The following CALCR variants were observed in gnomAD, a reference collection of about 807,000 sequenced individuals.
The protein encoded by CALCR is calcitonin receptor.
A neutral mutation model predicts 59.5 loss-of-function variants in CALCR; 47 were observed. The ratio of observed to expected loss-of-function variants is 0.79; its 90% CI spans 0.63 to 1.01. The LOEUF is 1.01. Among genes scored for constraint, CALCR ranks in the 50% least tolerant of loss-of-function variants. The probability of loss-of-function intolerance (pLI) is 0.00; values close to 1 mark genes in which losing one functional copy is unlikely to be tolerated. For synonymous variants in CALCR, 213 were observed against 211.3 expected (o/e 1.01, Z -0.07); for missense variants, 566 against 597.1 (o/e 0.95, Z 0.54).
intron 6 of CALCR, among the ~76,000 whole-genome samples, chr7:93,471,301 T>G (rs1429340020): frequency 6.6e-6 from 1 of 151,740 alleles, no homozygotes; most frequent in East Asian, 1.9e-4. Context: ...TAATCAGACT[T>G]TATTAACAGC....
intron 13 of CALCR, among the ~76,000 whole-genome samples, chr7:93,433,003 G>A (rs1799689884): frequency 6.6e-6 from 1 of 152,134 alleles, no homozygotes; most frequent in South Asian, 2.1e-4. Context: ...CTTAGCAATA[G>A]TAAATGCACA....
chr7:93,545,788 T>G (rs1174770132), intron 2 of CALCR, among the ~76,000 whole-genome samples: 1 of 152,132 alleles, frequency 6.6e-6, no homozygotes, highest in Non-Finnish European at 1.5e-5. Context: ...CACCCCTTTT[T>G]CATCATCTGA....
At position 93,493,476 on chromosome 7, in the gene CALCR, C is replaced by T. The variant is rs530544804; in HGVS notation, c.-26-6469G>A. Among the ~76,000 whole-genome samples the T allele has an allele frequency of 1.8e-4, 28 of 151,490 alleles. No individual in the cohort carries two copies. In the South Asian group the frequency reaches 5.8e-3, roughly 31 times the overall value. Reference sequence around the variant, plus strand: ...ATCTGCATTTTGGGATCTTTTCAAACATGTCCATCCTATCTACTACCTTAG... The same window carrying T: ...ATCTGCATTTTGGGATCTTTTCAAATATGTCCATCCTATCTACTACCTTAG... On this transcript the variant is annotated intron_variant, in intron 2 of 13. Transcript: ENST00000426151.
intron 2 of CALCR, among the ~76,000 whole-genome samples, chr7:93,557,054 A>G (rs1789626112): frequency 6.6e-6 from 1 of 152,074 alleles, no homozygotes; most frequent in Admixed American, 6.6e-5. Flanking sequence ...ATCTCCCATG[A>G]CTTCCTACAT....
chr7:93,523,707 T>C (rs920639916), intron 2 of CALCR, among the ~76,000 whole-genome samples: 9 of 152,178 alleles, frequency 5.9e-5, no homozygotes, highest in Non-Finnish European at 1.0e-4. Context: ...CACCTTGGAT[T>C]GCTTTTTTAA....
intron 2 of CALCR, among the ~76,000 whole-genome samples, chr7:93,568,195 T>C (rs957673408): frequency 6.6e-6 from 1 of 152,072 alleles, no homozygotes; most frequent in Non-Finnish European, 1.5e-5. Flanking sequence ...GACATCTTTG[T>C]TGGGGGGATT....
chr7:93,515,239 G>A (rs1801625856), intron 2 of CALCR, among the ~76,000 whole-genome samples: 2 of 151,970 alleles, frequency 1.3e-5, no homozygotes. Context: ...ATGAATTCCT[G>A]TGTGTGGAAA....
At chr7:93,505,654 G>T (rs1309582158) in intron 2 of CALCR, among the ~76,000 whole-genome samples, 1 of 152,110 alleles carries the variant, frequency 6.6e-6, no homozygotes, top group Non-Finnish European at 1.5e-5. Flanking sequence ...ACGTTAGAAA[G>T]ACTAAATCAA....
At chr7:93,530,799 G>A (rs1042618676) in intron 2 of CALCR, among the ~76,000 whole-genome samples, 5 of 152,002 alleles carry the variant, frequency 3.3e-5, no homozygotes, top group African/African-American at 1.2e-4. Flanking sequence ...AAAATGGCTG[G>A]TTGTTGGAAA....
chr7:93,503,727 T>A (rs1401616873), intron 2 of CALCR, among the ~76,000 whole-genome samples: 2 of 151,912 alleles, frequency 1.3e-5, no homozygotes, highest in Admixed American at 1.3e-4. Context: ...AAGAGGGAGG[T>A]TATACTTGTC....
chr7:93,498,973 A>G (rs1035968167), intron 2 of CALCR, among the ~76,000 whole-genome samples: 6 of 151,682 alleles, frequency 4.0e-5, no homozygotes, highest in African/African-American at 1.4e-4. Flanking sequence ...TAAGAGATCC[A>G]TATTGTAATC....
At chr7:93,517,705 C>T (rs1213064169) in intron 2 of CALCR, among the ~76,000 whole-genome samples, 1 of 151,918 alleles carries the variant, frequency 6.6e-6, no homozygotes, top group Non-Finnish European at 1.5e-5. Context: ...TGTATAGTTA[C>T]TGCGAAGACA....
chr7:93,572,856 G>A (rs1454165642), intron 2 of CALCR, among the ~76,000 whole-genome samples: 1 of 152,096 alleles, frequency 6.6e-6, no homozygotes, highest in African/African-American at 2.4e-5. Context: ...AAGATTTCTT[G>A]TTTACTTATT....
rs560322442 is a variant in CALCR, at chr7:93,509,618, T to A, written c.-26-22611A>T. On this transcript the variant is annotated intron_variant, in intron 2 of 13. Coordinates refer to ENST00000426151, the MANE Select transcript of CALCR (RefSeq NM_001742.4). The stretch of plus-strand genomic sequence containing the variant: ...TTGGCCAAAGCAACATTTGGAATAC[T>A]CACATATGTGGAGATTAACTTTCTG... Among the ~76,000 whole-genome samples, 2 of 152,326 alleles carry A rather than the reference T, an allele frequency of 1.3e-5. 1 individual carries two copies. Among genetic ancestry groups the A allele is most frequent in the South Asian group, 4.1e-4 (2 of 4,826 alleles).
intron 8 of CALCR, among the ~76,000 whole-genome samples, chr7:93,457,307 G>T (rs987006366): frequency 1.1e-4 from 16 of 152,102 alleles, no homozygotes; most frequent in African/African-American, 3.9e-4. Flanking sequence ...GACAACCGCT[G>T]GGAAGTGAGC....
At chr7:93,546,616 A>T (rs368068506) in intron 2 of CALCR, among the ~76,000 whole-genome samples, 2 of 149,208 alleles carry the variant, frequency 1.3e-5, no homozygotes, top group African/African-American at 5.0e-5. Context: ...CAGTGGTGGG[A>T]TCACAGCTCA....
rs151200250 is a variant in CALCR, at chr7:93,526,971, A to G, written c.-26-39964T>C. On this transcript the variant is annotated intron_variant, in intron 2 of 13. Transcript: ENST00000426151. The stretch of plus-strand genomic sequence containing the variant: ...AGTGAACCAAATTGTTCCAAAGAAC[A>G]TAAAACTATAAAGTAAAATAGTTTT... Among the ~76,000 whole-genome samples, 40 of 152,218 alleles carry G rather than the reference A, an allele frequency of 2.6e-4. No individual in the cohort carries two copies. In the East Asian group the frequency reaches 7.1e-3, roughly 27 times the overall value.
chr7:93,538,731 C>A (rs1584615963), intron 2 of CALCR, among the ~76,000 whole-genome samples: 1 of 152,174 alleles, frequency 6.6e-6, no homozygotes, highest in African/African-American at 2.4e-5. Flanking sequence ...ACTTCATGAA[C>A]CTTTTCATGT....
At chr7:93,442,125 C>A (rs1021195925) in intron 9 of CALCR, among the ~76,000 whole-genome samples, 1 of 152,106 alleles carries the variant, frequency 6.6e-6, no homozygotes, top group Non-Finnish European at 1.5e-5. Flanking sequence ...CAAGGAAAAA[C>A]AAAGACAAAA....
Sources: gnomAD v4.1 joint callset for allele counts (sites outside exome capture counted in the v4.1 genomes callset) on GRCh38, gnomAD v4.1.1 for gene constraint, MANE v1.5 for transcripts, NCBI Gene and HGNC (gene_info 2026-07-23, HGNC 2026-07-21) for gene names.